ABCA1: variants seen among roughly 807,000 people sequenced by gnomAD.
The protein encoded by ABCA1 is phospholipid-transporting ATPase ABCA1.
Under a neutral mutation model 262.5 loss-of-function variants are expected in ABCA1, and 133 were observed. The ratio of observed to expected loss-of-function variants is 0.51; its 90% CI spans 0.44 to 0.59. The LOEUF (loss-of-function observed/expected upper bound fraction) is 0.59. ABCA1 is among the 20% of genes least tolerant of loss of function. The pLI, the probability that ABCA1 is intolerant of heterozygous loss-of-function variation, is 0.00. For synonymous variants in ABCA1, 1,022 were observed against 1,043.5 expected (o/e 0.98, Z 0.40); for missense variants, 2,452 against 2,777.5 (o/e 0.88, Z 2.63).
chr9:104,904,256 A>G (rs536554687), intron 1 of ABCA1, among the ~76,000 whole-genome samples: 218 of 152,270 alleles, frequency 1.4e-3, no homozygotes, highest in African/African-American at 4.8e-3. Flanking sequence ...GGGTTATACA[A>G]CTGAGTCCTT....
Position 104,831,061 on chromosome 9 carries a change from T to C in ABCA1, c.1756A>G (p.Met586Val). 2 of 1,612,244 alleles carry C rather than the reference T, an allele frequency of 1.2e-6. No homozygotes were observed. The highest frequency in any genetic ancestry group is 8.5e-7 in the Non-Finnish European group (1 of 1,179,854). Residue 586 changes from methionine to valine, a missense_variant, in exon 14 of 50, where the codon ATG (methionine) becomes GTG (valine). Met to Val is a conservative substitution (Grantham distance 21). Around this residue, in one of 4 missense-constraint regions of ABCA1, gnomAD observed 1,032 missense variants for 1,089.7 expected, o/e 0.95. Transcript: ENST00000374736. ...PGPRADPFED[M>V]RYVWGGFAYL... is the part of the protein sequence containing the mutation. ...GCGAAGCCCCCCCAGACGTACCGCA[T>C]GTCCTCAAAGGGGTCAGCTCGAGGA...
chr9:104,888,388 T>C (rs1027404227), intron 3 of ABCA1, among the ~76,000 whole-genome samples: 1 of 152,184 alleles, frequency 6.6e-6, no homozygotes, highest in African/African-American at 2.4e-5. Flanking sequence ...ATCCACCCAC[T>C]GAGCCCAGCC....
chr9:104,843,993 C>T (rs920547155), intron 8 of ABCA1, among the ~76,000 whole-genome samples: 3 of 145,918 alleles, frequency 2.1e-5, no homozygotes, highest in African/African-American at 5.1e-5. Flanking sequence ...GCAATGGGAA[C>T]ATCACCTGCT....
At chr9:104,816,663 G>T (rs983611826) in intron 24 of ABCA1, among the ~76,000 whole-genome samples, 3 of 151,618 alleles carry the variant, frequency 2.0e-5, no homozygotes, top group Non-Finnish European at 4.4e-5. Context: ...GGGTGGATGG[G>T]TGAATGGATA....
Position 104,801,426 on chromosome 9 carries a change from T to A in ABCA1, c.4698+628A>T, listed in dbSNP as rs148416916. Among the ~76,000 whole-genome samples, 1,131 of 152,114 alleles carry A rather than the reference T, an allele frequency of 7.4e-3. 18 individuals carry two copies. Among genetic ancestry groups the A allele is most frequent in the African/African-American group, 0.026 (1,081 of 41,480 alleles). Reference sequence around the variant, plus strand: ...TAGCAGAGACAGGGTTTCACTATGTTGGCCAGGCTGGTCTCAAACTCCTGA... The same window carrying A: ...TAGCAGAGACAGGGTTTCACTATGTAGGCCAGGCTGGTCTCAAACTCCTGA... On this transcript the variant is annotated intron_variant, in intron 34 of 49. Coordinates refer to ENST00000374736, the MANE Select transcript of ABCA1 (RefSeq NM_005502.4).
chr9:104,904,288 G>A (rs1037786449), intron 1 of ABCA1, among the ~76,000 whole-genome samples: 2 of 152,040 alleles, frequency 1.3e-5, no homozygotes, highest in South Asian at 2.1e-4. Flanking sequence ...AAGCACCATC[G>A]GCCAGGCGTG....
chr9:104,819,966 G>A lies in ABCA1; in HGVS notation c.3064C>T (p.Pro1022Ser). 6.2e-7 allele frequency: 1 copy of A among 1,613,944 alleles called. No homozygotes were observed. The highest frequency in any genetic ancestry group is 8.5e-7 in the Non-Finnish European group (1 of 1,180,018). The change falls in exon 21 of 50, where the codon CCA (proline) becomes TCA (serine). Residue 1022 changes from proline to serine, a missense_variant. By Grantham distance (74) the Pro-to-Ser change is moderately conservative. Coordinates refer to ENST00000374736, the MANE Select transcript of ABCA1 (RefSeq NM_005502.4). ...GTTTTGCTTTTCAGCTTGCTTGATG[G>A]CAAACCAACATCCAGGGCCATCTGC... is the stretch of plus-strand genomic sequence containing the variant. ...MEQMALDVGL[P>S]SSKLKSKTSQ...
At chr9:104,794,180 A>G (rs984854577) in intron 40 of ABCA1, among the ~76,000 whole-genome samples, 1 of 152,206 alleles carries the variant, frequency 6.6e-6, no homozygotes, top group South Asian at 2.1e-4. Flanking sequence ...ACTTTTCTCA[A>G]TGCTATCAGA....
chr9:104,805,154 G>A (rs942941353), intron 31 of ABCA1, among the ~76,000 whole-genome samples: 4 of 151,986 alleles, frequency 2.6e-5, no homozygotes, highest in Non-Finnish European at 5.9e-5. Context: ...GGCTCCCTGC[G>A]ACCTCCACCT....
intron 32 of ABCA1, among the ~76,000 whole-genome samples, 168 bp downstream of exon 32, chr9:104,804,458 A>G (rs574679868): frequency 5.3e-5 from 8 of 152,352 alleles, no homozygotes; most frequent in African/African-American, 1.9e-4. Context: ...GAATGTTCAC[A>G]GTCCCTCTCG....
rs1055761400 is a variant in ABCA1, at chr9:104,805,842, C to T, written c.4464+399G>A. On this transcript the variant is annotated intron_variant, in intron 31 of 49. Transcript: ENST00000374736. ...AAACAGGGCTGGGCGTAGTGGCTCACGCCTGTAATCCCAGCACTTTGGGAG... is the reference window on the plus strand; with the variant it reads ...AAACAGGGCTGGGCGTAGTGGCTCATGCCTGTAATCCCAGCACTTTGGGAG... 2.8e-4 allele frequency among the ~76,000 whole-genome samples: 42 copies of T among 152,198 alleles called. 1 individual carries two copies. The highest frequency in any genetic ancestry group is 2.7e-3 in the Admixed American group (41 of 15,286).
chr9:104,896,709 A>ATTTTT (rs1564270342), intron 2 of ABCA1, among the ~76,000 whole-genome samples: 27 of 78,292 alleles, frequency 3.4e-4, no homozygotes, highest in African/African-American at 1.3e-3. Flanking sequence ...CTCCCTACAC[A>ATTTTT]TCTTTTTTTT....
chr9:104,843,715 TTTTCC>T (rs1387013094), intron 8 of ABCA1, among the ~76,000 whole-genome samples: 4 of 152,202 alleles, frequency 2.6e-5, no homozygotes, highest in African/African-American at 7.2e-5. Flanking sequence ...TCCCTTTTTC[TTTTCC>T]TTTCAAGGGT....
At chr9:104,821,125 C>T (rs892729189) in intron 20 of ABCA1, among the ~76,000 whole-genome samples, 7 of 152,236 alleles carry the variant, frequency 4.6e-5, no homozygotes, top group Middle Eastern at 3.4e-3. Flanking sequence ...TGCCTAGAGT[C>T]CCAGCTACTC....
intron 1 of ABCA1, among the ~76,000 whole-genome samples, chr9:104,909,534 A>G (rs1841368968): frequency 6.6e-6 from 1 of 151,892 alleles, no homozygotes; most frequent in Admixed American, 6.6e-5. Flanking sequence ...TTATAAAATT[A>G]CTTTTACTTT....
chr9:104,902,423 A>T (rs981746738), intron 2 of ABCA1, among the ~76,000 whole-genome samples: 15 of 152,356 alleles, frequency 9.8e-5, no homozygotes, highest in African/African-American at 3.4e-4. Flanking sequence ...AGACTGGCCA[A>T]ACTCAAAATG....
chr9:104,826,913 C>T (rs2118991489), intron 16 of ABCA1, 35 bp downstream of exon 16: 2 of 1,591,252 alleles, frequency 1.3e-6, no homozygotes. Context: ...AGGTCAAATG[C>T]CTACAGCCAC....
At chr9:104,852,760 G>C (rs1431403064) in intron 7 of ABCA1, among the ~76,000 whole-genome samples, 1 of 152,174 alleles carries the variant, frequency 6.6e-6, no homozygotes, top group Non-Finnish European at 1.5e-5. Context: ...CAAGTAAACA[G>C]GTGGGCAGTC....
In ABCA1 at chr9:104,889,196, C is replaced by G; in HGVS notation, c.67-1G>C. 2.5e-6 allele frequency: 4 copies of G among 1,613,960 alleles called. No individual in the cohort carries two copies. The South Asian group carries it at 3.3e-5, about 13-fold the overall frequency. On this transcript the variant is annotated splice_acceptor_variant, in intron 2 of 49. Coordinates refer to ENST00000374736, the MANE Select transcript of ABCA1 (RefSeq NM_005502.4). LOFTEE classifies it high-confidence loss of function. ...AGGCCACTTCCAGCAGCAGCTGACA[C>G]TGAGTGGGAAATAAGATAGAACACT...
Sources: gnomAD v4.1 joint callset for allele counts (sites outside exome capture counted in the v4.1 genomes callset) on GRCh38, gnomAD v4.1.1 for gene constraint, gnomAD v4.1.1 regional missense constraint, MANE v1.5 for transcripts, NCBI Gene and HGNC (gene_info 2026-07-23, HGNC 2026-07-21) for gene names.